The following SLC26A7 variants were observed in gnomAD, a reference collection of about 807,000 sequenced individuals.
SLC26A7 encodes the protein anion exchange transporter.
SLC26A7 carries 59 observed loss-of-function variants against 82.5 expected under a neutral mutation model. The ratio of observed to expected loss-of-function variants is 0.72; its 90% CI spans 0.58 to 0.89. The LOEUF (loss-of-function observed/expected upper bound fraction) is 0.89. Among genes scored for constraint, SLC26A7 ranks in the 40% least tolerant of loss-of-function variants. SLC26A7 has a pLI of 0.00. For synonymous variants in SLC26A7, 271 were observed against 274.3 expected (o/e 0.99, Z 0.12); for missense variants, 820 against 793.0 (o/e 1.03, Z -0.41).
chr8:91,257,032 C>G (rs1223805999), intron 2 of SLC26A7, among the ~76,000 whole-genome samples: 1 of 152,060 alleles, frequency 6.6e-6, no homozygotes, highest in African/African-American at 2.4e-5. Context: ...TCACATCTAC[C>G]CCTCAGGCTG....
At chr8:91,299,964 G>A (rs914095333) in intron 4 of SLC26A7, among the ~76,000 whole-genome samples, 1 of 152,206 alleles carries the variant, frequency 6.6e-6, no homozygotes, top group Non-Finnish European at 1.5e-5. Context: ...AAGTAAAGAA[G>A]TGGAGAAAGA....
At chr8:91,257,129 A>G (rs1418110132) in intron 2 of SLC26A7, among the ~76,000 whole-genome samples, 1 of 152,136 alleles carries the variant, frequency 6.6e-6, no homozygotes, top group African/African-American at 2.4e-5. Flanking sequence ...GTGAGAAGCA[A>G]TACAATGAGC....
chr8:91,342,701 T>C (rs978919400), intron 8 of SLC26A7, among the ~76,000 whole-genome samples: 7 of 152,204 alleles, frequency 4.6e-5, no homozygotes, highest in Non-Finnish European at 7.3e-5. Flanking sequence ...CAGAGGGAGA[T>C]ACTGAGTAGC....
chr8:91,329,289 C>T (rs1813014423), intron 5 of SLC26A7, among the ~76,000 whole-genome samples: 1 of 152,060 alleles, frequency 6.6e-6, no homozygotes, highest in Non-Finnish European at 1.5e-5. Flanking sequence ...TCTCTTTTTC[C>T]ATATGCCACC....
intron 3 of SLC26A7, among the ~76,000 whole-genome samples, chr8:91,293,285 T>A (rs149189338): frequency 6.6e-6 from 1 of 152,266 alleles, no homozygotes; most frequent in African/African-American, 2.4e-5. Context: ...TATATAAGGG[T>A]ACCACTAATA....
At chr8:91,218,807 C>A in intron 1 of SLC26A7, 1 of 843,410 alleles carries the variant, frequency 1.2e-6, no homozygotes, top group Non-Finnish European at 1.8e-6. Context: ...TGTTCTGAAA[C>A]CTCTGAGAAA....
At chr8:91,292,430 G>A (rs1332608530) in intron 3 of SLC26A7, among the ~76,000 whole-genome samples, 1 of 151,972 alleles carries the variant, frequency 6.6e-6, no homozygotes, top group Non-Finnish European at 1.5e-5. Flanking sequence ...TCACCAATAA[G>A]TTCCTGCAAA....
At chr8:91,285,353 C>T (rs1811683177) in intron 2 of SLC26A7, among the ~76,000 whole-genome samples, 1 of 152,258 alleles carries the variant, frequency 6.6e-6, no homozygotes, top group Non-Finnish European at 1.5e-5. Context: ...ACATGGCGTT[C>T]ACACGCCTTC....
intron 2 of SLC26A7, among the ~76,000 whole-genome samples, chr8:91,234,178 A>T (rs1370337919): frequency 6.6e-6 from 1 of 152,174 alleles, no homozygotes; most frequent in African/African-American, 2.4e-5. Flanking sequence ...TTGATGGATG[A>T]CTACCATCTT....
At chr8:91,266,543 T>C (rs1389441861) in intron 2 of SLC26A7, among the ~76,000 whole-genome samples, 1 of 152,004 alleles carries the variant, frequency 6.6e-6, no homozygotes, top group Non-Finnish European at 1.5e-5. Flanking sequence ...AATTCATTTG[T>C]AGCATATAAA....
intron 2 of SLC26A7, among the ~76,000 whole-genome samples, chr8:91,254,933 T>A (rs1563645443): frequency 1.3e-5 from 2 of 152,140 alleles, no homozygotes; most frequent in Non-Finnish European, 2.9e-5. Context: ...AGAATGACAT[T>A]GACTTAAAAC....
rs12678554 is a variant in SLC26A7 at position 91,235,977 on chromosome 8, A to C, written c.-33-13642A>C. On this transcript the variant is annotated intron_variant, in intron 2 of 5. Coordinates refer to the SLC26A7 transcript ENST00000522862. ...GTGAACAAAAGCTGCCCTATTCATT[A>C]CTTTCTGAAAATTTTACTTAGATGC... 7.7e-3 allele frequency among the ~76,000 whole-genome samples: 1,177 copies of C among 152,310 alleles called. 105 individuals are homozygous for C. In the East Asian group the frequency reaches 0.19, roughly 25 times the overall value.
intron 14 of SLC26A7, 46 bp downstream of exon 14, chr8:91,366,763 A>G (rs1814206269): frequency 6.4e-7 from 1 of 1,563,992 alleles, no homozygotes; most frequent in East Asian, 2.3e-5. Context: ...ATGTAGCCTT[A>G]TATCATGACA....
intron 15 of SLC26A7, among the ~76,000 whole-genome samples, chr8:91,379,900 T>C (rs1031442725): frequency 1.3e-5 from 2 of 151,912 alleles, no homozygotes; most frequent in African/African-American, 4.8e-5. Flanking sequence ...ACTTATAAAA[T>C]GCAGAAAGGA....
intron 16 of SLC26A7, among the ~76,000 whole-genome samples, chr8:91,389,710 G>T (rs568823204): frequency 2.0e-5 from 3 of 152,296 alleles, no homozygotes; most frequent in South Asian, 2.1e-4. Context: ...TTGAGATACA[G>T]TGGGCATAGG....
chr8:91,220,555 T>C (rs1380757084), intron 2 of SLC26A7, among the ~76,000 whole-genome samples: 1 of 152,052 alleles, frequency 6.6e-6, no homozygotes, highest in Non-Finnish European at 1.5e-5. Context: ...TCTGTGTCCA[T>C]GTGTTCTCAA....
At chr8:91,333,426 C>T (rs1813149997) in intron 5 of SLC26A7, among the ~76,000 whole-genome samples, 1 of 152,164 alleles carries the variant, frequency 6.6e-6, no homozygotes, top group South Asian at 2.1e-4. Context: ...CTTGACCATA[C>T]TTTTCAGGAA....
chr8:91,366,818 T>G (rs1312516626), intron 14 of SLC26A7, 101 bp downstream of exon 14: 1 of 1,307,744 alleles, frequency 7.6e-7, no homozygotes, highest in African/African-American at 1.5e-5. Flanking sequence ...CACGAGTATT[T>G]CGAGACCTCT....
chr8:91,359,876 A>ATG (rs33943189), intron 11 of SLC26A7, among the ~76,000 whole-genome samples: 5,345 of 139,350 alleles, frequency 0.038, 108 homozygotes, highest in South Asian at 0.061. Flanking sequence ...TATCCAAGAT[A>ATG]TGTGTGTGTG....
Sources: allele counts gnomAD v4.1 joint callset (sites outside exome capture counted in the v4.1 genomes callset), GRCh38; gene constraint gnomAD v4.1.1; transcripts MANE v1.5; gene names NCBI Gene and HGNC (gene_info 2026-07-23, HGNC 2026-07-21).